Variants in CCSER2 observed in about 807,000 individuals in gnomAD.
CCSER2 encodes coiled-coil serine rich protein 2.
Under a neutral mutation model 92.3 loss-of-function variants are expected in CCSER2, and 46 were observed. The ratio of observed to expected loss-of-function variants is 0.50; its 90% CI spans 0.39 to 0.64. CCSER2 has a LOEUF of 0.64. Among genes scored for constraint, CCSER2 ranks in the 30% least tolerant of loss-of-function variants. The pLI is 0.00. For synonymous variants in CCSER2, 433 were observed against 431.4 expected (o/e 1.00, Z -0.04); for missense variants, 1,244 against 1,238.9 (o/e 1.00, Z -0.06).
intron 1 of CCSER2, among the ~76,000 whole-genome samples, chr10:84,357,160 G>A (rs750702910): frequency 3.9e-5 from 6 of 152,168 alleles, no homozygotes; most frequent in Non-Finnish European, 7.3e-5. Context: ...ATCTGAGGCT[G>A]GTGGGTTTGG....
chr10:84,432,219 G>T (rs1326611858), intron 5 of CCSER2, among the ~76,000 whole-genome samples: 2 of 152,106 alleles, frequency 1.3e-5, no homozygotes, highest in Non-Finnish European at 2.9e-5. Context: ...TGTCTGTTCA[G>T]ATCTTTGCTT....
rs1406035992 is a variant in CCSER2, at chr10:84,332,411, T to TA, written c.-40+3603_-40+3604insA. On this transcript the variant is annotated intron_variant, in intron 1 of 9. Coordinates refer to ENST00000372088, the MANE Select transcript of CCSER2 (RefSeq NM_001284240.2). The stretch of plus-strand genomic sequence containing the variant: ...GATTTTATATTATTAAATTTATTTT[T>TA]TTATATATATATATATATATATATA... Among the ~76,000 whole-genome samples, 139 of 106,224 alleles carry TA rather than the reference T, an allele frequency of 1.3e-3. 3 individuals carry two copies. Among genetic ancestry groups the TA allele is most frequent in the African/African-American group, 5.5e-3 (119 of 21,710 alleles). The allele number at this position is 106,224 out of a possible 152,430, so 69.7% of individuals were successfully genotyped here.
At chr10:84,359,460 A>C (rs1453367062) in intron 1 of CCSER2, among the ~76,000 whole-genome samples, 2 of 152,228 alleles carry the variant, frequency 1.3e-5, no homozygotes, top group Non-Finnish European at 2.9e-5. Context: ...CTTTATTAAA[A>C]CAAGATCTCT....
chr10:84,450,940 A>G (rs12252821), intron 6 of CCSER2, among the ~76,000 whole-genome samples: 18,725 of 152,226 alleles, frequency 0.12, 3,336 homozygotes, highest in African/African-American at 0.4. Flanking sequence ...ACAAAATACA[A>G]TTTGAGTGTA....
At chr10:84,436,617 A>G (rs1453554487) in intron 5 of CCSER2, among the ~76,000 whole-genome samples, 4 of 145,238 alleles carry the variant, frequency 2.8e-5, no homozygotes, top group Non-Finnish European at 6.0e-5. Context: ...CCTGGGGGAC[A>G]GAGCGAGACT....
rs1849574334 is a variant in CCSER2, at chr10:84,515,666, A to ACTCCTGACCTCAAGTGATCCACCCAC, written c.*1403_*1428dup. ...ACCTTGTTGGTCAGGCTGGTCTCGAACTCCTGACCTCAAGTGATCCACCCA... is the reference window on the plus strand; with the variant it reads ...ACCTTGTTGGTCAGGCTGGTCTCGAACTCCTGACCTCAAGTGATCCACCCACCTCCTGACCTCAAGTGATCCACCCA... On this transcript the variant is annotated 3_prime_UTR_variant, in exon 10 of 10. Coordinates refer to ENST00000372088, the MANE Select transcript of CCSER2 (RefSeq NM_001284240.2). 2 of 152,000 alleles carry ACTCCTGACCTCAAGTGATCCACCCAC rather than the reference A, an allele frequency of 1.3e-5. No individual in the cohort carries two copies. Among genetic ancestry groups the ACTCCTGACCTCAAGTGATCCACCCAC allele is most frequent in the African/African-American group, 4.8e-5 (2 of 41,366 alleles). The allele number at this position is 152,000 out of a possible 1,614,324, so 9.4% of individuals were successfully genotyped here.
intron 5 of CCSER2, among the ~76,000 whole-genome samples, chr10:84,431,094 TTGA>T (rs1195018593): frequency 1.6e-4 from 24 of 152,356 alleles, no homozygotes; most frequent in African/African-American, 5.0e-4. Context: ...TGTATTATAA[TTGA>T]TGAGTCAATA....
chr10:84,352,531 A>G (rs1443786206), intron 1 of CCSER2, among the ~76,000 whole-genome samples: 1 of 151,902 alleles, frequency 6.6e-6, no homozygotes, highest in African/African-American at 2.4e-5. Context: ...TGAGTGGGCA[A>G]GGTTTCTGTA....
intron 6 of CCSER2, among the ~76,000 whole-genome samples, chr10:84,447,018 G>A (rs1441936564): frequency 6.9e-6 from 1 of 145,304 alleles, no homozygotes; most frequent in Non-Finnish European, 1.5e-5. Context: ...TGTCCATTTT[G>A]TTTGTTTCCA....
At chr10:84,366,848 G>C (rs987926726) in intron 1 of CCSER2, among the ~76,000 whole-genome samples, 2 of 152,164 alleles carry the variant, frequency 1.3e-5, no homozygotes, top group African/African-American at 4.8e-5. Flanking sequence ...ACTGCTGACA[G>C]TTTGAATAGA....
chr10:84,355,176 GT>G (rs368146368), intron 1 of CCSER2, among the ~76,000 whole-genome samples: 2 of 151,152 alleles, frequency 1.3e-5, no homozygotes, highest in African/African-American at 4.9e-5. Flanking sequence ...TTTTTTAATG[GT>G]TTAAAACCCT....
At chr10:84,482,343 C>T (rs1367365229) in intron 9 of CCSER2, among the ~76,000 whole-genome samples, 1 of 152,134 alleles carries the variant, frequency 6.6e-6, no homozygotes, top group Non-Finnish European at 1.5e-5. Flanking sequence ...CCTAATCATT[C>T]ACATGAAAAT....
intron 3 of CCSER2, among the ~76,000 whole-genome samples, chr10:84,388,272 C>T (rs941350719): frequency 1.3e-5 from 2 of 152,164 alleles, no homozygotes; most frequent in Admixed American, 6.5e-5. Flanking sequence ...GATTCTATTG[C>T]TTTGGGTTAG....
At position 84,372,200 on chromosome 10, in the gene CCSER2, A is replaced by G. The variant is rs749558316; in HGVS notation, c.1148A>G (p.His383Arg). ...YRTKNNQTMK[H>R]DAKMRYLSDD... is the part of the protein sequence containing the mutation. The stretch of plus-strand genomic sequence containing the variant: ...ACAAAAAACAACCAGACCATGAAAC[A>G]TGATGCTAAAATGAGATACCTGAGT... Residue 383 changes from histidine (H) to arginine (R), a missense_variant, in exon 2 of 10, where the codon CAT (histidine) becomes CGT (arginine). Coordinates refer to ENST00000372088, the MANE Select transcript of CCSER2 (RefSeq NM_001284240.2). 2.5e-6 allele frequency: 4 copies of G among 1,613,600 alleles called. No homozygotes were observed. Among genetic ancestry groups the G allele is most frequent in the Non-Finnish European group, 2.5e-6 (3 of 1,179,766 alleles).
intron 9 of CCSER2, among the ~76,000 whole-genome samples, chr10:84,502,672 CTT>C (rs1589829581): frequency 6.6e-6 from 1 of 152,068 alleles, no homozygotes; most frequent in Non-Finnish European, 1.5e-5. Flanking sequence ...CGCTCGGCCT[CTT>C]TGATGACTTC....
intron 1 of CCSER2, among the ~76,000 whole-genome samples, chr10:84,346,399 A>G (rs1844480609): frequency 6.6e-6 from 1 of 152,186 alleles, no homozygotes; most frequent in Non-Finnish European, 1.5e-5. Context: ...TAAAAAAAAA[A>G]AAACTAAATA....
rs576458075 is a variant in CCSER2, at chr10:84,470,867, G to A, written c.2235+409G>A. Among the ~76,000 whole-genome samples the A allele has an allele frequency of 1.4e-4, 22 of 152,098 alleles. No individual in the cohort carries two copies. In the South Asian group the frequency reaches 4.1e-3, roughly 29 times the overall value. ...GTAGCTGCATCACTATCAGATTGAA[G>A]GGTACTCCAAGAAAATGTTTATTTC... On this transcript the variant is annotated intron_variant, in intron 8 of 9. Coordinates refer to ENST00000372088, the MANE Select transcript of CCSER2 (RefSeq NM_001284240.2).
chr10:84,411,141 G>T (rs1480771273), intron 3 of CCSER2, among the ~76,000 whole-genome samples: 2 of 152,068 alleles, frequency 1.3e-5, no homozygotes, highest in Non-Finnish European at 2.9e-5. Context: ...TCTTATACCA[G>T]TACTGTGCTG....
chr10:84,443,916 C>G (rs1449872720), intron 6 of CCSER2, among the ~76,000 whole-genome samples: 1 of 151,990 alleles, frequency 6.6e-6, no homozygotes, highest in Non-Finnish European at 1.5e-5. Context: ...ACTGCATGTT[C>G]TTACTCATAA....
Sources: gnomAD v4.1 joint callset for allele counts (sites outside exome capture counted in the v4.1 genomes callset) on GRCh38, gnomAD v4.1.1 for gene constraint, MANE v1.5 for transcripts, NCBI Gene and HGNC (gene_info 2026-07-23, HGNC 2026-07-21) for gene names.